The following PPP1R16B variants were observed in gnomAD, a reference collection of about 807,000 sequenced individuals.
PPP1R16B encodes the protein protein phosphatase 1 regulatory subunit 16B, also known as protein phosphatase 1 regulatory inhibitor subunit 16B.
Under a neutral mutation model 61.7 loss-of-function variants are expected in PPP1R16B, and 14 were observed. The ratio of observed to expected loss-of-function variants is 0.23; its 90% CI spans 0.15 to 0.35. The LOEUF is 0.35. Ranked by LOEUF, PPP1R16B falls within the 10% of genes least tolerant of loss-of-function variation. The pLI is 1.00. For missense variants in PPP1R16B, 547 were observed against 752.5 expected, an observed-to-expected ratio of 0.73 and a Z score of 3.19; for synonymous variants, 266 against 305.3, an observed-to-expected ratio of 0.87 and a Z score of 1.34.
chr20:38,910,968 C>A (rs2085483900), intron 10 of PPP1R16B, among the ~76,000 whole-genome samples: 1 of 151,728 alleles, frequency 6.6e-6, no homozygotes, highest in African/African-American at 2.4e-5. Flanking sequence ...GCACTCCAGC[C>A]TGGGGACAGA....
At chr20:38,809,179 T>A (rs990180858) in intron 1 of PPP1R16B, among the ~76,000 whole-genome samples, 5 of 149,086 alleles carry the variant, frequency 3.4e-5, no homozygotes, top group African/African-American at 1.2e-4. Context: ...GGGTGGGGAG[T>A]GAGTGCGACC....
rs561935928 is a variant in PPP1R16B at position 38,831,594 on chromosome 20, G to A, written c.-101-4231G>A. On this transcript the variant is annotated intron_variant, in intron 1 of 10. Coordinates refer to ENST00000299824, the MANE Select transcript of PPP1R16B (RefSeq NM_015568.4). ...GGCGGGAGTAATGGGGAGCATTGGG[G>A]ACTATGGTAATGGAGAGCGTATGTG... is the stretch of plus-strand genomic sequence containing the variant. Among the ~76,000 whole-genome samples the A allele has an allele frequency of 2.6e-5, 4 of 152,262 alleles. No homozygotes were observed. In the South Asian group the frequency reaches 8.3e-4, roughly 32 times the overall value.
At chr20:38,864,621 T>C (rs905750507) in intron 2 of PPP1R16B, among the ~76,000 whole-genome samples, 6 of 152,168 alleles carry the variant, frequency 3.9e-5, no homozygotes, top group African/African-American at 1.4e-4. Context: ...ACCGCCACCG[T>C]AAGCTGCCCC....
chr20:38,820,350 G>A lies in PPP1R16B; in HGVS notation c.-102+14558G>A, dbSNP rs545088669. Among the ~76,000 whole-genome samples the A allele has an allele frequency of 1.0e-3, 153 of 152,180 alleles. 1 individual carries two copies. The highest frequency in any genetic ancestry group is 1.8e-3 in the Non-Finnish European group (122 of 68,018). On this transcript the variant is annotated intron_variant, in intron 1 of 10. Transcript: ENST00000299824. ...GAGGCGAGCGGATCACCTCAGGTCAGGAGTTCGAGACCAGCCTGACCAACA... is the reference window on the plus strand; with the variant it reads ...GAGGCGAGCGGATCACCTCAGGTCAAGAGTTCGAGACCAGCCTGACCAACA...
At chr20:38,871,125 T>C (rs1472730965) in intron 2 of PPP1R16B, among the ~76,000 whole-genome samples, 1 of 152,088 alleles carries the variant, frequency 6.6e-6, no homozygotes, top group Non-Finnish European at 1.5e-5. Context: ...ACTAGAGAGC[T>C]TGACCCTAAA....
At chr20:38,844,012 A>G (rs1051574926) in intron 2 of PPP1R16B, among the ~76,000 whole-genome samples, 17 of 152,208 alleles carry the variant, frequency 1.1e-4, no homozygotes, top group African/African-American at 4.1e-4. Flanking sequence ...AACAAGTAGT[A>G]GTTTCTTAAA....
intron 1 of PPP1R16B, among the ~76,000 whole-genome samples, chr20:38,812,418 A>G (rs896693671): frequency 6.6e-6 from 1 of 152,218 alleles, no homozygotes; most frequent in Non-Finnish European, 1.5e-5. Context: ...ATTTACAGCA[A>G]TGTGATAGGC....
rs2085150523 is a variant in PPP1R16B at position 38,874,218 on chromosome 20, C to T, written c.251-15377C>T. Among the ~76,000 whole-genome samples the T allele has an allele frequency of 2.0e-5, 3 of 152,084 alleles. No homozygotes were observed. In the South Asian group the frequency reaches 6.2e-4, roughly 32 times the overall value. ...CTTTGGCCTTATCTTGTAGTCAGTC[C>T]ACAGATCTCCAAAGATAACTGTATC... On this transcript the variant is annotated intron_variant, in intron 2 of 10. Coordinates refer to ENST00000299824, the MANE Select transcript of PPP1R16B (RefSeq NM_015568.4).
chr20:38,809,252 G>C (rs2084683080), intron 1 of PPP1R16B, among the ~76,000 whole-genome samples: 1 of 151,976 alleles, frequency 6.6e-6, no homozygotes, highest in African/African-American at 2.4e-5. Context: ...CCTGGGGCGG[G>C]GGTGGGGGCT....
intron 10 of PPP1R16B, among the ~76,000 whole-genome samples, chr20:38,916,189 G>A (rs1271550653): frequency 1.3e-5 from 2 of 151,168 alleles, no homozygotes; most frequent in East Asian, 3.9e-4. Context: ...AACATAGTGA[G>A]GCCCTGACTC....
intron 1 of PPP1R16B, among the ~76,000 whole-genome samples, chr20:38,832,382 A>G (rs899810474): frequency 4.6e-5 from 7 of 152,210 alleles, no homozygotes; most frequent in African/African-American, 1.7e-4. Flanking sequence ...GGAGTGAAAT[A>G]AACTTGTGAT....
intron 2 of PPP1R16B, among the ~76,000 whole-genome samples, chr20:38,884,056 G>A (rs1000157072): frequency 1.3e-5 from 2 of 152,162 alleles, no homozygotes; most frequent in African/African-American, 2.4e-5. Context: ...GAGAGAAGGT[G>A]TGGACACTCC....
intron 6 of PPP1R16B, among the ~76,000 whole-genome samples, chr20:38,904,969 G>A (rs1261929950): frequency 6.6e-6 from 1 of 152,164 alleles, no homozygotes; most frequent in African/African-American, 2.4e-5. Flanking sequence ...CCCTTACTGA[G>A]TGTTCATTAT....
Position 38,918,405 on chromosome 20 carries a change from G to A in PPP1R16B, c.1443G>A (p.Leu481=), listed in dbSNP as rs1568689202. The change falls in exon 11 of 11, where the codon CTG becomes CTA. Residue 481 remains leucine, a synonymous_variant. Transcript: ENST00000299824. The surrounding 1 kb of genome is among the most constrained non-coding windows in gnomAD (Gnocchi z 5.3). ...AGGAACAGAGCCCTCAGACGCTTCT[G>A]GAGCTGAAGCGGCAGCGGGCTGCAG... ...SYKEQSPQTL[L]ELKRQRAAAK... is the part of the protein sequence containing the mutation. The A allele has an allele frequency of 6.2e-7, 1 of 1,614,138 alleles. No individual in the cohort carries two copies. The highest frequency in any genetic ancestry group is 8.5e-7 in the Non-Finnish European group (1 of 1,180,038).
At chr20:38,876,623 C>T (rs1184326323) in intron 2 of PPP1R16B, among the ~76,000 whole-genome samples, 2 of 151,850 alleles carry the variant, frequency 1.3e-5, no homozygotes, top group South Asian at 2.1e-4. Flanking sequence ...GTGTGCCAAC[C>T]CCTGCACTCT....
chr20:38,863,090 C>G (rs752007179), intron 2 of PPP1R16B, among the ~76,000 whole-genome samples: 6 of 152,178 alleles, frequency 3.9e-5, no homozygotes, highest in Non-Finnish European at 7.3e-5. Context: ...TCTCCCAGCC[C>G]AGAACTGAAG....
At position 38,918,416 on chromosome 20, in the gene PPP1R16B, G is replaced by A. The variant is rs751403317; in HGVS notation, c.1454G>A (p.Arg485Gln). 4.3e-6 allele frequency: 7 copies of A among 1,613,964 alleles called. No individual in the cohort carries two copies. In the East Asian group the frequency reaches 8.9e-5, roughly 21 times the overall value. The change falls in exon 11 of 11, where the codon CGG becomes CAG. Residue 485 changes from arginine (R) to glutamine (Q), a missense_variant. Physicochemically the swap from Arg to Gln is conservative, Grantham distance 43 (BLOSUM62 1). Coordinates refer to ENST00000299824, the MANE Select transcript of PPP1R16B (RefSeq NM_015568.4). This position sits in a 1 kb window ranked among gnomAD's most constrained non-coding sequence, Gnocchi z 5.3. The stretch of plus-strand genomic sequence containing the variant: ...CCTCAGACGCTTCTGGAGCTGAAGC[G>A]GCAGCGGGCTGCAGCCAAGCTGCTC... ...QSPQTLLELK[R>Q]QRAAAKLLSH... is the part of the protein sequence containing the mutation.
At chr20:38,837,218 A>G (rs1172771056) in intron 2 of PPP1R16B, among the ~76,000 whole-genome samples, 1 of 152,122 alleles carries the variant, frequency 6.6e-6, no homozygotes, top group East Asian at 1.9e-4. Context: ...AGTCTCTTCC[A>G]CTCTCTATAC....
intron 2 of PPP1R16B, among the ~76,000 whole-genome samples, chr20:38,869,639 CT>C (rs1372828784): frequency 6.6e-6 from 1 of 152,080 alleles, no homozygotes; most frequent in Non-Finnish European, 1.5e-5. Context: ...TGTTAGTTTG[CT>C]TTTTCTGGAA....
Sources: allele counts gnomAD v4.1 joint callset (sites outside exome capture counted in the v4.1 genomes callset), GRCh38; gene constraint gnomAD v4.1.1; non-coding constraint Gnocchi (gnomAD v3.1); transcripts MANE v1.5; gene names NCBI Gene and HGNC (gene_info 2026-07-23, HGNC 2026-07-21).